Variants in ZNF281 observed in about 807,000 individuals in gnomAD.
ZNF281 encodes the protein GC-box-binding zinc finger protein 1.
ZNF281 carries 2 observed loss-of-function variants against 58.8 expected under a neutral mutation model. The observed-to-expected ratio is 0.03, with a 90% confidence interval of 0.01 to 0.11. The LOEUF (loss-of-function observed/expected upper bound fraction) is 0.11. Ranked by LOEUF, ZNF281 falls within the 10% of genes least tolerant of loss-of-function variation. The probability of loss-of-function intolerance (pLI) is 1.00; values close to 1 mark genes in which losing one functional copy is unlikely to be tolerated. For synonymous variants in ZNF281, 465 were observed against 407.7 expected, an observed-to-expected ratio of 1.14 and a Z score of -1.69; for missense variants, 975 against 1,090.7, an observed-to-expected ratio of 0.89 and a Z score of 1.49.
Position 200,408,110 on chromosome 1 carries a change from A to T in ZNF281, c.1596T>A (p.Asp532Glu), listed in dbSNP as rs1654503101. The T allele has an allele frequency of 6.2e-7, 1 of 1,614,212 alleles. No homozygotes were observed. Among genetic ancestry groups the T allele is most frequent in the Non-Finnish European group, 8.5e-7 (1 of 1,180,038 alleles). The change falls in exon 2 of 2, where the codon GAT becomes GAA. Residue 532 changes from aspartate (D) to glutamate (E), a missense_variant. Transcript: ENST00000367353. ...TTTTCTTTGAAAACTGCATGGCATC[A>T]TCATAATTACTACTTATCTGACCTT... ...GKQGQISSNYDDAMQFSKKRR... is the reference protein window; with the variant it reads ...GKQGQISSNYEDAMQFSKKRR...
Position 200,406,953 on chromosome 1 carries a change from G to A in ZNF281, c.*65C>T, listed in dbSNP as rs1334542168. 2.1e-6 allele frequency: 3 copies of A among 1,450,626 alleles called. No homozygotes were observed. The highest frequency in any genetic ancestry group is 1.8e-6 in the Non-Finnish European group (2 of 1,081,824). 89.9% of individuals were successfully genotyped at this position (1,450,626 alleles called of 1,614,324 possible). ...TAGGATCGTGTAGAAACATTCCAAT[G>A]GCAGTGTTCTCAAAATAAAACAAAA... On this transcript the variant is annotated 3_prime_UTR_variant, in exon 2 of 2. Transcript: ENST00000367353.
chr1:200,405,486 A>G lies in ZNF281; in HGVS notation c.*1532T>C, dbSNP rs747950425. 2 of 152,236 alleles carry G rather than the reference A, an allele frequency of 1.3e-5. No homozygotes were observed. Among genetic ancestry groups the G allele is most frequent in the Non-Finnish European group, 2.9e-5 (2 of 68,038 alleles). The allele number at this position is 152,236 out of a possible 1,614,324, so 9.4% of individuals were successfully genotyped here. On this transcript the variant is annotated 3_prime_UTR_variant, in exon 2 of 2. Coordinates refer to ENST00000367353, the MANE Select transcript of ZNF281 (RefSeq NM_001281293.2). ...TTTTCTGACGTCAGAAGAGTACATA[A>G]GACTGAAACATCACCAAAAGTACAT...
Position 200,409,646 on chromosome 1 carries a change from G to A in ZNF281, c.60C>T (p.Ser20=), listed in dbSNP as rs1353046632. Residue 20 remains serine, a synonymous_variant, in exon 2 of 2, where the codon AGC becomes AGT. Coordinates refer to ENST00000367353, the MANE Select transcript of ZNF281 (RefSeq NM_001281293.2). ...CGCCACTACCACCGCCGCCGGAGCC[G>A]CTACCACCGCTACTGCCGGTACCTC... ...GGGGTGSSGG[S]GSGGGGSGGG... 10 of 1,549,818 alleles carry A rather than the reference G, an allele frequency of 6.5e-6. No homozygotes were observed. In the East Asian group the frequency reaches 2.2e-4, roughly 34 times the overall value.
In ZNF281 at chr1:200,409,174, T is replaced by C; in HGVS notation, c.532A>G (p.Ser178Gly). ...GGSHGVIQDL[S>G]ILHQHVQQQP... ...TGCTGGACATGCTGGTGGAGAATACTGAGGTCCTGGATGACGCCGTGACTC... is the reference window on the plus strand; with the variant it reads ...TGCTGGACATGCTGGTGGAGAATACCGAGGTCCTGGATGACGCCGTGACTC... The change falls in exon 2 of 2, where the codon AGT becomes GGT. Residue 178 changes from serine (S) to glycine (G), a missense_variant. This residue lies in a region of ZNF281 where 370 missense variants were observed against 360.9 expected (regional missense o/e 1.03). Transcript: ENST00000367353. 6.2e-7 allele frequency: 1 copy of C among 1,614,188 alleles called. No individual in the cohort carries two copies. Among genetic ancestry groups the C allele is most frequent in the Non-Finnish European group, 8.5e-7 (1 of 1,180,026 alleles).
rs1654508392 is a variant in ZNF281 at position 200,408,169 on chromosome 1, T to C, written c.1537A>G (p.Thr513Ala). ...CTTGTACTTTGGAGAAGACCAATGGTCTCCACACTATTATTTGATACTATG... is the reference window on the plus strand; with the variant it reads ...CTTGTACTTTGGAGAAGACCAATGGCCTCCACACTATTATTTGATACTATG... Reference protein sequence around the residue: ...LGIVSNNSVETIGLLQSTSGK... With the variant: ...LGIVSNNSVEAIGLLQSTSGK... The change falls in exon 2 of 2, where the codon ACC becomes GCC. Residue 513 changes from threonine to alanine, a missense_variant. Physicochemically the swap from Thr to Ala is moderately conservative, Grantham distance 58 (BLOSUM62 0). Coordinates refer to ENST00000367353, the MANE Select transcript of ZNF281 (RefSeq NM_001281293.2). 1 of 1,613,910 alleles carries C rather than the reference T, an allele frequency of 6.2e-7. No homozygotes were observed. The highest frequency in any genetic ancestry group is 1.3e-5 in the African/African-American group (1 of 74,934).
chr1:200,409,816 G>C (rs1558006604), intron 1 of ZNF281, 93 bp from the exon 2 acceptor site: 1 of 1,438,934 alleles, frequency 6.9e-7, no homozygotes, highest in Admixed American at 2.6e-5. Context: ...ACCCCGCCGC[G>C]CCGCCGCCCA....
chr1:200,407,662 C>G lies in ZNF281; in HGVS notation c.2044G>C (p.Ala682Pro). 1 of 1,614,160 alleles carries G rather than the reference C, an allele frequency of 6.2e-7. No individual in the cohort carries two copies. The highest frequency in any genetic ancestry group is 1.1e-5 in the South Asian group (1 of 91,084). ...LQQAFEKSTNASFTLGHGFQF... is the reference protein window; with the variant it reads ...LQQAFEKSTNPSFTLGHGFQF... Reference sequence around the variant, plus strand: ...AAACCGTGTCCAAGAGTAAAACTTGCATTAGTGGATTTTTCAAAAGCCTGT... The same window carrying G: ...AAACCGTGTCCAAGAGTAAAACTTGGATTAGTGGATTTTTCAAAAGCCTGT... The change falls in exon 2 of 2, where the codon GCA (alanine) becomes CCA (proline). Residue 682 changes from alanine to proline, a missense_variant. Physicochemically the swap from Ala to Pro is conservative, Grantham distance 27 (BLOSUM62 -1). Coordinates refer to ENST00000367353, the MANE Select transcript of ZNF281 (RefSeq NM_001281293.2).
Position 200,409,145 on chromosome 1 carries a change from T to G in ZNF281, c.561A>C (p.Gln187His). Residue 187 changes from glutamine to histidine, a missense_variant, in exon 2 of 2, where the codon CAA becomes CAC. Gln to His is a conservative substitution (Grantham distance 24). This residue lies in a region of ZNF281 where 370 missense variants were observed against 360.9 expected (regional missense o/e 1.03). Transcript: ENST00000367353. Reference sequence around the variant, plus strand: ...ATACGTCACGGTGGTGCTGGGCTGGTTGCTGCTGGACATGCTGGTGGAGAA... The same window carrying G: ...ATACGTCACGGTGGTGCTGGGCTGGGTGCTGCTGGACATGCTGGTGGAGAA... ...LSILHQHVQQ[Q>H]PAQHHRDVLL... The G allele has an allele frequency of 1.9e-6, 3 of 1,614,214 alleles. No homozygotes were observed. Among genetic ancestry groups the G allele is most frequent in the Non-Finnish European group, 2.5e-6 (3 of 1,180,032 alleles).
Position 200,407,102 on chromosome 1 carries a change from G to A in ZNF281, c.2604C>T (p.Phe868=). The A allele has an allele frequency of 1.2e-6, 2 of 1,614,116 alleles. No individual in the cohort carries two copies. Among genetic ancestry groups the A allele is most frequent in the East Asian group, 2.2e-5 (1 of 44,884 alleles). ...CAGACATCATATTTGTATACCCTGA[G>A]AAATCTGACACTGAAGTCCTTACTC... The part of the protein sequence containing the change: ...DHRVRTSVSD[F]SGYTNMMSDV... Residue 868 remains phenylalanine (F), a synonymous_variant, in exon 2 of 2, where the codon TTC becomes TTT. Coordinates refer to ENST00000367353, the MANE Select transcript of ZNF281 (RefSeq NM_001281293.2).
Position 200,409,952 on chromosome 1 carries a change from C to CGCCGCCGCCGCA in ZNF281, c.-37_-26dup. 2.0e-6 allele frequency: 1 copy of CGCCGCCGCCGCA among 500,074 alleles called. No homozygotes were observed. The highest frequency in any genetic ancestry group is 2.0e-5 in the African/African-American group (1 of 49,122). The allele number at this position is 500,074 out of a possible 1,614,324, so 31.0% of individuals were successfully genotyped here. On this transcript the variant is annotated 5_prime_UTR_variant, in exon 1 of 2. Coordinates refer to ENST00000367353, the MANE Select transcript of ZNF281 (RefSeq NM_001281293.2). ...ACCCACCGGCAATACTTACGGGTCC[C>CGCCGCCGCCGCA]GCCGCCGCCGCAGCCGCCGTCGCCT...
chr1:200,409,565 G>C lies in ZNF281; in HGVS notation c.141C>G (p.Pro47=). The C allele has an allele frequency of 1.3e-6, 2 of 1,549,812 alleles. No homozygotes were observed. The highest frequency in any genetic ancestry group is 1.7e-6 in the Non-Finnish European group (2 of 1,146,786). ...GGTGGTTGAACATAACCATACCCTG[G>C]GGAAAGGTGGGTTCCATCTCTGCCC... The part of the protein sequence containing the change: ...GRRAEMEPTF[P]QGMVMFNHRL... The change falls in exon 2 of 2, where the codon CCC becomes CCG. Residue 47 remains proline (P), a synonymous_variant. Transcript: ENST00000367353.
In ZNF281 at chr1:200,407,768, T is replaced by G. The variant is rs1361033281; in HGVS notation, c.1938A>C (p.Gln646His). Residue 646 changes from glutamine (Q) to histidine (H), a missense_variant, in exon 2 of 2, where the codon CAA (glutamine) becomes CAC (histidine). Around this residue, in one of 3 missense-constraint regions of ZNF281, gnomAD observed 579 missense variants for 608.9 expected, o/e 0.95. Coordinates refer to ENST00000367353, the MANE Select transcript of ZNF281 (RefSeq NM_001281293.2). ...HTSGEHSELVQEENLSPGTQT... is the reference protein window; with the variant it reads ...HTSGEHSELVHEENLSPGTQT... The stretch of plus-strand genomic sequence containing the variant: ...GGGTGCCTGGGCTCAAATTTTCTTC[T>G]TGAACCAATTCTGAGTGTTCTCCTG... 106 of 1,614,188 alleles carry G rather than the reference T, an allele frequency of 6.6e-5. No homozygotes were observed. The highest frequency in any genetic ancestry group is 8.8e-5 in the Non-Finnish European group (104 of 1,180,030).
chr1:200,409,885 G>A (rs989501976), intron 1 of ZNF281, 61 bp downstream of exon 1: 1 of 941,888 alleles, frequency 1.1e-6, no homozygotes, highest in East Asian at 2.7e-5. Flanking sequence ...CGGCACGCAT[G>A]GTCCTGCGAC....
chr1:200,409,202 C>A lies in ZNF281; in HGVS notation c.504G>T (p.Gly168=), dbSNP rs1380078919. ...GGTCCTGGATGACGCCGTGACTCCC[C>A]CCTTCACCGCCTCCTAGGCCTGGAG... ...ERSPGLGGGE[G]GSHGVIQDLS... The change falls in exon 2 of 2, where the codon GGG becomes GGT. Residue 168 remains glycine (G), a synonymous_variant. Coordinates refer to ENST00000367353, the MANE Select transcript of ZNF281 (RefSeq NM_001281293.2). 2.5e-6 allele frequency: 4 copies of A among 1,614,114 alleles called. No homozygotes were observed. The highest frequency in any genetic ancestry group is 3.3e-5 in the Admixed American group (2 of 60,020).
At position 200,405,302 on chromosome 1, in the gene ZNF281, TTAAC is replaced by T. The variant is rs919135461; in HGVS notation, c.*1712_*1715del. On this transcript the variant is annotated 3_prime_UTR_variant, in exon 2 of 2. Coordinates refer to ENST00000367353, the MANE Select transcript of ZNF281 (RefSeq NM_001281293.2). The stretch of plus-strand genomic sequence containing the variant: ...AAGGGAGGAAAGTGGGAAAAGGAAA[TTAAC>T]TAATACTTTGTAACCATTTTTAATA... 3.3e-5 allele frequency: 5 copies of T among 152,332 alleles called. No homozygotes were observed. The highest frequency in any genetic ancestry group is 4.1e-4 in the South Asian group (2 of 4,828). The allele number at this position is 152,332 out of a possible 1,614,324, so 9.4% of individuals were successfully genotyped here. A position where few individuals can be genotyped will look rare whatever the true frequency, so the allele number is the denominator to read the frequency against.
chr1:200,408,031 G>A lies in ZNF281; in HGVS notation c.1675C>T (p.His559Tyr), dbSNP rs780226305. 6.2e-7 allele frequency: 1 copy of A among 1,614,224 alleles called. No individual in the cohort carries two copies. Among genetic ancestry groups the A allele is most frequent in the East Asian group, 2.2e-5 (1 of 44,890 alleles). Reference sequence around the variant, plus strand: ...ATGACAGACTGTTGGGAGACCATGTGTCCTACGTTTATAGAAAAGGCACTG... The same window carrying A: ...ATGACAGACTGTTGGGAGACCATGTATCCTACGTTTATAGAAAAGGCACTG... ...SNSAFSINVGHMVSQQSVIQS... is the reference protein window; with the variant it reads ...SNSAFSINVGYMVSQQSVIQS... The change falls in exon 2 of 2, where the codon CAC (histidine) becomes TAC (tyrosine). Residue 559 changes from histidine (H) to tyrosine (Y), a missense_variant. Physicochemically the swap from His to Tyr is moderately conservative, Grantham distance 83. Transcript: ENST00000367353.
In ZNF281 at chr1:200,408,545, A is replaced by G. The variant is rs1361868533; in HGVS notation, c.1161T>C (p.Asn387=). ...SAEPGSSNHT[N]MGNLAVLSQG... Reference sequence around the variant, plus strand: ...GAGACAACACAGCCAGATTACCCATATTGGTATGGTTTGATGACCCAGGTT... The same window carrying G: ...GAGACAACACAGCCAGATTACCCATGTTGGTATGGTTTGATGACCCAGGTT... Residue 387 remains asparagine, a synonymous_variant, in exon 2 of 2, where the codon AAT becomes AAC. Coordinates refer to ENST00000367353, the MANE Select transcript of ZNF281 (RefSeq NM_001281293.2). 2 of 1,614,026 alleles carry G rather than the reference A, an allele frequency of 1.2e-6. No individual in the cohort carries two copies. The highest frequency in any genetic ancestry group is 1.7e-6 in the Non-Finnish European group (2 of 1,180,036).
In ZNF281 at chr1:200,409,464, G is replaced by A. The variant is rs1654553660; in HGVS notation, c.242C>T (p.Ser81Phe). Reference sequence around the variant, plus strand: ...CTCAGCGGCCGGGGCTGCGGAGGTAGAGGAGGATAACACGCATTGCGGGGG... The same window carrying A: ...CTCAGCGGCCGGGGCTGCGGAGGTAAAGGAGGATAACACGCATTGCGGGGG... ...APPPQCVLSS[S>F]TSAAPAAEPP... The change falls in exon 2 of 2, where the codon TCT becomes TTT. Residue 81 changes from serine (S) to phenylalanine (F), a missense_variant. Ser to Phe is a radical substitution (Grantham distance 155, BLOSUM62 -2). Transcript: ENST00000367353. 4 of 1,543,294 alleles carry A rather than the reference G, an allele frequency of 2.6e-6. No individual in the cohort carries two copies. Among genetic ancestry groups the A allele is most frequent in the Non-Finnish European group, 2.6e-6 (3 of 1,142,540 alleles).
rs1421882577 is a variant in ZNF281, at chr1:200,409,893, G to T, written c.-19+53C>A. 7.8e-5 allele frequency: 69 copies of T among 885,322 alleles called. 1 individual carries two copies. Among genetic ancestry groups the T allele is most frequent in the Non-Finnish European group, 1.0e-4 (61 of 598,222 alleles). The allele number at this position is 885,322 out of a possible 1,614,324, so 54.8% of individuals were successfully genotyped here. ...CCGGCACCGGCACGCATGGTCCTGC[G>T]ACTCTTCCCCAGGCCTCGCCCTCTC... On this transcript the variant is annotated intron_variant, in intron 1 of 1. Transcript: ENST00000367353.
Sources: allele counts gnomAD v4.1 joint callset, GRCh38; gene constraint gnomAD v4.1.1; regional missense constraint gnomAD v4.1.1; transcripts MANE v1.5; gene names NCBI Gene and HGNC (gene_info 2026-07-23, HGNC 2026-07-21).